Variants in PPP1CB observed in about 807,000 individuals in gnomAD.
PPP1CB encodes serine/threonine-protein phosphatase PP1-beta catalytic subunit.
PPP1CB carries 2 observed loss-of-function variants against 43.7 expected under a neutral mutation model. The ratio of observed to expected loss-of-function variants is 0.05; its 90% CI spans 0.02 to 0.14. PPP1CB has a LOEUF of 0.14. PPP1CB is among the 10% of genes least tolerant of loss of function. The probability of loss-of-function intolerance (pLI) is 1.00; values close to 1 mark genes in which losing one functional copy is unlikely to be tolerated. For missense variants in PPP1CB, 84 were observed against 398.0 expected (o/e 0.21, Z 6.71); for synonymous variants, 136 against 135.6 (o/e 1.00, Z -0.02).
At chr2:28,754,883 A>C (rs1281741968) in intron 1 of PPP1CB, among the ~76,000 whole-genome samples, 1 of 152,198 alleles carries the variant, frequency 6.6e-6, no homozygotes, top group Non-Finnish European at 1.5e-5. Context: ...GCAGGACCTG[A>C]TCTCATTTTA....
intron 1 of PPP1CB, among the ~76,000 whole-genome samples, chr2:28,769,452 T>C (rs1353814601): frequency 1.3e-5 from 2 of 152,204 alleles, no homozygotes; most frequent in Non-Finnish European, 2.9e-5. Context: ...GTCAGGCTGG[T>C]CTAGAATTCT....
chr2:28,784,499 A>G (rs1667219926), intron 5 of PPP1CB, among the ~76,000 whole-genome samples: 1 of 152,012 alleles, frequency 6.6e-6, no homozygotes, highest in Non-Finnish European at 1.5e-5. Flanking sequence ...CCTAGGCTCA[A>G]GCAATCCTCC....
At chr2:28,753,880 C>G (rs1245078596) in intron 1 of PPP1CB, among the ~76,000 whole-genome samples, 1 of 151,912 alleles carries the variant, frequency 6.6e-6, no homozygotes, top group Admixed American at 6.6e-5. Context: ...ATTACAGGCA[C>G]CCCGCCATCA....
intron 7 of PPP1CB, among the ~76,000 whole-genome samples, chr2:28,795,492 T>C (rs547364657): frequency 6.6e-6 from 1 of 152,360 alleles, no homozygotes; most frequent in South Asian, 2.1e-4. Flanking sequence ...TATTATCTTT[T>C]AACTTTTTAT....
intron 1 of PPP1CB, among the ~76,000 whole-genome samples, chr2:28,775,705 T>C (rs962074473): frequency 5.9e-5 from 9 of 152,096 alleles, no homozygotes; most frequent in Non-Finnish European, 1.2e-4. Flanking sequence ...GCTCTTTCAC[T>C]TAAGATTAAA....
At chr2:28,753,893 C>G (rs1232508022) in intron 1 of PPP1CB, among the ~76,000 whole-genome samples, 2 of 152,070 alleles carry the variant, frequency 1.3e-5, no homozygotes, top group Non-Finnish European at 2.9e-5. Flanking sequence ...CGCCATCATG[C>G]CCGGCTAATT....
In PPP1CB at chr2:28,802,017, A is replaced by T. The variant is rs1667629347; in HGVS notation, c.*2714A>T. On this transcript the variant is annotated 3_prime_UTR_variant, in exon 8 of 8. Coordinates refer to ENST00000395366, the MANE Select transcript of PPP1CB (RefSeq NM_002709.3). The stretch of plus-strand genomic sequence containing the variant: ...AGTATCCATGCTGCCATATCCCTTC[A>T]TTGTAAAAAGTACCTAAACATTCGT... 6.6e-6 allele frequency: 1 copy of T among 152,176 alleles called. No individual in the cohort carries two copies. The highest frequency in any genetic ancestry group is 2.4e-5 in the African/African-American group (1 of 41,438). 9.4% of individuals were successfully genotyped at this position (152,176 alleles called of 1,614,324 possible).
At chr2:28,752,248 G>A (rs892799452) in intron 1 of PPP1CB, 72 bp downstream of exon 1, 1 of 1,351,688 alleles carries the variant, frequency 7.4e-7, no homozygotes, top group Non-Finnish European at 1.0e-6. Context: ...CCCGTCTGCC[G>A]CCGGAACGCG....
At chr2:28,788,410 T>G (rs2148056658) in intron 5 of PPP1CB, among the ~76,000 whole-genome samples, 1 of 152,236 alleles carries the variant, frequency 6.6e-6, no homozygotes, top group East Asian at 1.9e-4. Flanking sequence ...GCCATGCACA[T>G]ATTTCCTATA....
chr2:28,761,234 A>G (rs538950499), intron 1 of PPP1CB, among the ~76,000 whole-genome samples: 1 of 152,266 alleles, frequency 6.6e-6, no homozygotes, highest in Admixed American at 6.5e-5. Flanking sequence ...CCTGTCAGTG[A>G]GAAAGAGTGA....
At chr2:28,771,255 T>C (rs1404472495) in intron 1 of PPP1CB, among the ~76,000 whole-genome samples, 3 of 152,156 alleles carry the variant, frequency 2.0e-5, no homozygotes, top group Admixed American at 6.5e-5. Context: ...AGTTTCACCA[T>C]GTTGGCCAGG....
chr2:28,757,518 G>A (rs1372389218), intron 1 of PPP1CB, among the ~76,000 whole-genome samples: 1 of 152,196 alleles, frequency 6.6e-6, no homozygotes, highest in Non-Finnish European at 1.5e-5. Context: ...TAAAGGTTAG[G>A]TGGTTGGAAA....
rs759436583 is a variant in PPP1CB at position 28,799,319 on chromosome 2, A to G, written c.*16A>G. ...GAAAAGGTGAAGAAAGGAATTCTGT[A>G]AAGAAACCATCAGATTTGTTAAGGA... is the stretch of plus-strand genomic sequence containing the variant. On this transcript the variant is annotated 3_prime_UTR_variant, in exon 8 of 8. Coordinates refer to ENST00000395366, the MANE Select transcript of PPP1CB (RefSeq NM_002709.3). 4 of 1,550,806 alleles carry G rather than the reference A, an allele frequency of 2.6e-6. No individual in the cohort carries two copies. The highest frequency in any genetic ancestry group is 3.6e-6 in the Non-Finnish European group (4 of 1,123,050).
intron 5 of PPP1CB, among the ~76,000 whole-genome samples, chr2:28,785,205 G>T (rs189716522): frequency 5.9e-4 from 88 of 149,998 alleles, no homozygotes; most frequent in African/African-American, 2.1e-3. Context: ...CTCCCGAGTA[G>T]CTGGGACTAC....
intron 6 of PPP1CB, 98 bp from the exon 7 acceptor site, chr2:28,793,765 G>A: frequency 7.4e-7 from 1 of 1,350,000 alleles, no homozygotes; most frequent in Non-Finnish European, 1.0e-6. Flanking sequence ...TTGGGGGTGA[G>A]GTGGGGCACA....
chr2:28,753,015 A>G (rs1180454842), intron 1 of PPP1CB, among the ~76,000 whole-genome samples: 1 of 152,188 alleles, frequency 6.6e-6, no homozygotes, highest in Non-Finnish European at 1.5e-5. Flanking sequence ...GAATAGTTTT[A>G]TGTTGGTGGG....
At chr2:28,782,233 CATATA>C (rs1193382285) in intron 4 of PPP1CB, among the ~76,000 whole-genome samples, 5 of 152,152 alleles carry the variant, frequency 3.3e-5, no homozygotes, top group South Asian at 2.1e-4. Context: ...TTCTAGGCTT[CATATA>C]ATATATTTGC....
intron 7 of PPP1CB, among the ~76,000 whole-genome samples, chr2:28,796,358 T>C (rs1484705157): frequency 6.6e-6 from 1 of 152,232 alleles, no homozygotes; most frequent in African/African-American, 2.4e-5. Context: ...AAGAAGAGCA[T>C]TGAATCTGTA....
At chr2:28,752,321 G>A (rs1460953159) in intron 1 of PPP1CB, 145 bp downstream of exon 1, 5 of 797,726 alleles carry the variant, frequency 6.3e-6, no homozygotes, top group Non-Finnish European at 9.5e-6. Flanking sequence ...ACGAACCGAG[G>A]AGGGGGCGAG....
Sources: gnomAD v4.1 joint callset for allele counts (sites outside exome capture counted in the v4.1 genomes callset) on GRCh38, gnomAD v4.1.1 for gene constraint, MANE v1.5 for transcripts, NCBI Gene and HGNC (gene_info 2026-07-23, HGNC 2026-07-21) for gene names.